KCNIP4: variants seen among roughly 807,000 people sequenced by gnomAD.
KCNIP4 encodes the protein potassium voltage-gated channel interacting protein 4.
Under a neutral mutation model 34.0 loss-of-function variants are expected in KCNIP4, and 12 were observed. The ratio of observed to expected loss-of-function variants is 0.35; its 90% CI spans 0.23 to 0.57. The LOEUF (loss-of-function observed/expected upper bound fraction) is 0.57. KCNIP4 is among the 20% of genes least tolerant of loss of function. The pLI is 0.83. For synonymous variants in KCNIP4, 124 were observed against 102.2 expected (o/e 1.21, Z -1.29); for missense variants, 238 against 311.7 (o/e 0.76, Z 1.78).
chr4:21,033,975 C>T (rs923217064), intron 1 of KCNIP4, among the ~76,000 whole-genome samples: 6 of 151,868 alleles, frequency 4.0e-5, no homozygotes, highest in Admixed American at 1.3e-4. Context: ...TATTTTTCTG[C>T]GTGTATTGCA....
intron 1 of KCNIP4, among the ~76,000 whole-genome samples, chr4:21,865,959 T>C (rs985070344): frequency 2.0e-5 from 3 of 151,482 alleles, no homozygotes; most frequent in South Asian, 2.1e-4. Context: ...ATGTATGCTA[T>C]ATATATATTA....
intron 1 of KCNIP4, among the ~76,000 whole-genome samples, chr4:21,610,223 T>C (rs537571228): frequency 1.3e-4 from 20 of 152,344 alleles, no homozygotes; most frequent in African/African-American, 4.6e-4. Flanking sequence ...TTTCACACAG[T>C]TCTGGAGGCT....
intron 3 of KCNIP4, among the ~76,000 whole-genome samples, chr4:20,805,244 C>T (rs1441019018): frequency 8.3e-6 from 1 of 120,214 alleles, no homozygotes; most frequent in East Asian, 2.8e-4. Context: ...CTGTGTTGCT[C>T]AGACTGCTCT....
intron 1 of KCNIP4, among the ~76,000 whole-genome samples, chr4:20,998,050 G>A: frequency 6.6e-6 from 1 of 152,142 alleles, no homozygotes; most frequent in East Asian, 1.9e-4. Flanking sequence ...TGAGAGAGAA[G>A]ATAATCTGGG....
rs555005732 is a variant in KCNIP4 at position 21,345,795 on chromosome 4, T to C, written c.62-463086A>G. On this transcript the variant is annotated intron_variant, in intron 1 of 8. Transcript: ENST00000382152. The stretch of plus-strand genomic sequence containing the variant: ...GCTAACAACCATCTCCTTAAAAATA[T>C]GAAATTTCTCTGAGGGTGTTTAAAT... Among the ~76,000 whole-genome samples the C allele has an allele frequency of 6.6e-5, 10 of 152,126 alleles. No homozygotes were observed. In the South Asian group the frequency reaches 1.9e-3, roughly 28 times the overall value.
At chr4:20,818,271 T>G (rs1716664392) in intron 3 of KCNIP4, among the ~76,000 whole-genome samples, 1 of 152,148 alleles carries the variant, frequency 6.6e-6, no homozygotes, top group Non-Finnish European at 1.5e-5. Flanking sequence ...ATCCTATGAG[T>G]AGCAATAGAA....
intron 1 of KCNIP4, among the ~76,000 whole-genome samples, chr4:21,864,289 G>T (rs776773712): frequency 1.3e-5 from 2 of 152,148 alleles, no homozygotes; most frequent in Non-Finnish European, 2.9e-5. Context: ...ATAAGCAAGG[G>T]AAACACAATA....
intron 1 of KCNIP4, among the ~76,000 whole-genome samples, chr4:20,930,034 T>C (rs1730295973): frequency 6.6e-6 from 1 of 151,934 alleles, no homozygotes; most frequent in Non-Finnish European, 1.5e-5. Context: ...GAAATTCATA[T>C]GGAACCACAG....
chr4:21,732,311 A>T (rs930980232), intron 1 of KCNIP4, among the ~76,000 whole-genome samples: 1 of 152,098 alleles, frequency 6.6e-6, no homozygotes, highest in African/African-American at 2.4e-5. Flanking sequence ...AAAGACATCA[A>T]AACAATAGCT....
At chr4:21,391,993 T>C (rs1495509) in intron 1 of KCNIP4, among the ~76,000 whole-genome samples, 41,827 of 152,104 alleles carry the variant, frequency 0.27, 6,631 homozygotes, top group East Asian at 0.4. Flanking sequence ...GATAGTATCA[T>C]TAACTTTTAT....
At chr4:20,957,802 C>T (rs575819998) in intron 1 of KCNIP4, among the ~76,000 whole-genome samples, 31 of 152,214 alleles carry the variant, frequency 2.0e-4, no homozygotes, top group African/African-American at 7.5e-4. Context: ...ATTTAATCAC[C>T]AAACTGATAA....
chr4:21,775,824 G>A (rs1014986343), intron 1 of KCNIP4, among the ~76,000 whole-genome samples: 2 of 152,230 alleles, frequency 1.3e-5, no homozygotes, highest in African/African-American at 4.8e-5. Flanking sequence ...GAAAAGCACA[G>A]CCTGGAGCTA....
intron 1 of KCNIP4, chr4:21,762,881 A>AG (rs1253954399): frequency 2.4e-6 from 3 of 1,227,952 alleles, no homozygotes; most frequent in Non-Finnish European, 3.2e-6. Context: ...GAAGATTGGG[A>AG]GGGGGGTGTA....
chr4:21,696,077 C>T (rs1441332549), intron 1 of KCNIP4, among the ~76,000 whole-genome samples: 1 of 152,084 alleles, frequency 6.6e-6, no homozygotes, highest in African/African-American at 2.4e-5. Context: ...AAAGTCACCA[C>T]AATTCACATT....
At chr4:20,864,249 T>C (rs966268902) in intron 2 of KCNIP4, among the ~76,000 whole-genome samples, 1 of 151,286 alleles carries the variant, frequency 6.6e-6, no homozygotes, top group Non-Finnish European at 1.5e-5. Context: ...TATGTATGTA[T>C]ATATGCACAC....
chr4:21,016,914 G>A (rs1224557359), intron 1 of KCNIP4, among the ~76,000 whole-genome samples: 2 of 152,144 alleles, frequency 1.3e-5, no homozygotes, highest in Non-Finnish European at 2.9e-5. Flanking sequence ...TTTTGACATG[G>A]TAGACAAAAT....
chr4:20,864,057 C>A, intron 2 of KCNIP4, among the ~76,000 whole-genome samples: 1 of 126,392 alleles, frequency 7.9e-6, no homozygotes, highest in African/African-American at 3.3e-5. Flanking sequence ...TGTATGTATA[C>A]ACATGTATGT....
At chr4:21,665,467 GA>G (rs1748782738) in intron 1 of KCNIP4, among the ~76,000 whole-genome samples, 1 of 151,784 alleles carries the variant, frequency 6.6e-6, no homozygotes, top group African/African-American at 2.4e-5. Context: ...AAGAAGTCAG[GA>G]AAAGCTGAGG....
chr4:21,185,415 T>C (rs1441114524), intron 1 of KCNIP4, among the ~76,000 whole-genome samples: 3 of 151,866 alleles, frequency 2.0e-5, no homozygotes, highest in Non-Finnish European at 2.9e-5. Flanking sequence ...CTTCCTCTTC[T>C]TCCTCTCTGT....
Sources: allele counts gnomAD v4.1 joint callset (sites outside exome capture counted in the v4.1 genomes callset), GRCh38; gene constraint gnomAD v4.1.1; transcripts MANE v1.5; gene names NCBI Gene and HGNC (gene_info 2026-07-23, HGNC 2026-07-21).